Variants in ASTN2 observed in about 807,000 individuals in gnomAD.
ASTN2 encodes the protein astrotactin-2.
Under a neutral mutation model 139.8 loss-of-function variants are expected in ASTN2, and 54 were observed. The observed-to-expected ratio is 0.39, with a 90% confidence interval of 0.31 to 0.48. The LOEUF is 0.48. Ranked by LOEUF, ASTN2 falls within the 20% of genes least tolerant of loss-of-function variation. The pLI, the probability that ASTN2 is intolerant of heterozygous loss-of-function variation, is 0.95. For synonymous variants in ASTN2, 756 were observed against 719.5 expected (o/e 1.05, Z -0.81); for missense variants, 1,565 against 1,725.1 (o/e 0.91, Z 1.64).
intron 16 of ASTN2, among the ~76,000 whole-genome samples, chr9:116,705,087 A>G (rs1178040473): frequency 6.6e-6 from 1 of 152,196 alleles, no homozygotes; most frequent in Admixed American, 6.5e-5. Context: ...ATCCCTGTTA[A>G]GTGGTTAAAG....
intron 2 of ASTN2, among the ~76,000 whole-genome samples, chr9:117,288,922 G>C (rs1374354006): frequency 6.6e-6 from 1 of 152,190 alleles, no homozygotes; most frequent in Non-Finnish European, 1.5e-5. Context: ...TAAGTGCCAA[G>C]CTCCTCTGAT....
chr9:116,538,397 A>G (rs1851736612), intron 19 of ASTN2, among the ~76,000 whole-genome samples: 1 of 152,152 alleles, frequency 6.6e-6, no homozygotes, highest in African/African-American at 2.4e-5. Flanking sequence ...TTGGGGTTCT[A>G]CACTAGCACT....
At chr9:117,128,153 A>T (rs1829742515) in intron 4 of ASTN2, among the ~76,000 whole-genome samples, 1 of 152,024 alleles carries the variant, frequency 6.6e-6, no homozygotes, top group Admixed American at 6.6e-5. Flanking sequence ...GGCAACAGTT[A>T]GTCCATCAGA....
chr9:117,048,942 G>A (rs537276883), intron 5 of ASTN2, among the ~76,000 whole-genome samples: 8 of 125,876 alleles, frequency 6.4e-5, no homozygotes, highest in South Asian at 2.6e-4. Context: ...GAATCTGTGC[G>A]CTCTGATTCT....
chr9:117,132,923 G>C (rs760765697), intron 4 of ASTN2, among the ~76,000 whole-genome samples: 2 of 152,106 alleles, frequency 1.3e-5, no homozygotes. Context: ...ATATTCTCAC[G>C]ACAGTCCTGG....
chr9:117,121,102 T>C (rs1305702165), intron 4 of ASTN2, among the ~76,000 whole-genome samples: 1 of 152,234 alleles, frequency 6.6e-6, no homozygotes, highest in Non-Finnish European at 1.5e-5. Context: ...CACATCCACA[T>C]GGGGTAGGCA....
rs546299153 is a variant in ASTN2, at chr9:117,047,752, C to T, written c.1277-7787G>A. Among the ~76,000 whole-genome samples, 11 of 152,116 alleles carry T rather than the reference C, an allele frequency of 7.2e-5. No homozygotes were observed. The East Asian group carries it at 2.1e-3, about 29-fold the overall frequency. ...AAACACTAATAACTTTATTTTGTTT[C>T]TCTAAAGTCATATTTTGAGTCCTTT... On this transcript the variant is annotated intron_variant, in intron 5 of 22. Coordinates refer to ENST00000313400, the MANE Select transcript of ASTN2 (RefSeq NM_001365068.1).
At chr9:116,626,383 TTTAAA>T (rs1176292819) in intron 17 of ASTN2, among the ~76,000 whole-genome samples, 1 of 151,770 alleles carries the variant, frequency 6.6e-6, no homozygotes, top group Non-Finnish European at 1.5e-5. Context: ...AAAAATATGT[TTTAAA>T]TATGTTATAA....
chr9:117,056,496 G>A (rs150955502), intron 5 of ASTN2, among the ~76,000 whole-genome samples: 2 of 152,292 alleles, frequency 1.3e-5, no homozygotes, highest in East Asian at 1.9e-4. Flanking sequence ...AGAGACAAGT[G>A]AGAAGGTCAG....
intron 12 of ASTN2, among the ~76,000 whole-genome samples, chr9:116,813,390 A>G (rs1207296707): frequency 1.3e-5 from 2 of 152,208 alleles, no homozygotes; most frequent in South Asian, 4.1e-4. Context: ...TCATTCCAAC[A>G]TTGTCACAGA....
At chr9:116,563,289 G>C (rs1853014000) in intron 19 of ASTN2, among the ~76,000 whole-genome samples, 1 of 151,548 alleles carries the variant, frequency 6.6e-6, no homozygotes, top group Non-Finnish European at 1.5e-5. Context: ...GCAGGAGAAT[G>C]GTGTGAACCC....
In ASTN2 at chr9:117,345,030, G is replaced by A. The variant is rs1390515392; in HGVS notation, c.443-53517C>T. ...GTTGGGGCTAAATGAAAGGACCCAG[G>A]AATCTAAGGAAGCCAGGGTTAGAGG... On this transcript the variant is annotated intron_variant, in intron 1 of 22. Transcript: ENST00000313400. 2.0e-5 allele frequency among the ~76,000 whole-genome samples: 3 copies of A among 152,258 alleles called. No individual in the cohort carries two copies. In the East Asian group the frequency reaches 5.8e-4, roughly 29 times the overall value.
intron 1 of ASTN2, among the ~76,000 whole-genome samples, chr9:117,334,679 C>A (rs1041746724): frequency 3.3e-5 from 5 of 152,236 alleles, no homozygotes; most frequent in African/African-American, 9.6e-5. Flanking sequence ...TTCCTAAGAG[C>A]CTCCTGTGGC....
intron 16 of ASTN2, among the ~76,000 whole-genome samples, chr9:116,662,308 C>G (rs1858608094): frequency 6.6e-6 from 1 of 152,118 alleles, no homozygotes; most frequent in Admixed American, 6.5e-5. Flanking sequence ...TGCAGTGGCT[C>G]ATGCCTGTAA....
At chr9:117,404,195 C>T (rs1205288078) in intron 1 of ASTN2, among the ~76,000 whole-genome samples, 4 of 152,236 alleles carry the variant, frequency 2.6e-5, no homozygotes, top group Admixed American at 1.3e-4. Flanking sequence ...GGAGGGCTCT[C>T]CAAAATTAAG....
intron 6 of ASTN2, among the ~76,000 whole-genome samples, chr9:117,010,875 C>T (rs1837509580): frequency 2.0e-5 from 3 of 152,172 alleles, no homozygotes; most frequent in African/African-American, 4.8e-5. Context: ...GACTTTCTAT[C>T]CTCACATTGG....
intron 1 of ASTN2, among the ~76,000 whole-genome samples, chr9:117,293,097 A>G (rs951443282): frequency 6.7e-6 from 1 of 149,348 alleles, no homozygotes; most frequent in Non-Finnish European, 1.5e-5. Context: ...TCTGAAAAAA[A>G]AGAAAAAAAA....
intron 12 of ASTN2, among the ~76,000 whole-genome samples, chr9:116,808,310 T>C (rs993624824): frequency 1.4e-5 from 2 of 142,970 alleles, no homozygotes; most frequent in African/African-American, 5.0e-5. Context: ...TGTGTGTGTT[T>C]GTGTTTGTGT....
chr9:117,128,623 GT>G (rs1427812338), intron 4 of ASTN2, among the ~76,000 whole-genome samples: 1 of 152,140 alleles, frequency 6.6e-6, no homozygotes, highest in African/African-American at 2.4e-5. Flanking sequence ...TGCCATCTTT[GT>G]TTCAAAGTTA....
Sources: gnomAD v4.1 joint callset for allele counts (sites outside exome capture counted in the v4.1 genomes callset) on GRCh38, gnomAD v4.1.1 for gene constraint, MANE v1.5 for transcripts, NCBI Gene and HGNC (gene_info 2026-07-23, HGNC 2026-07-21) for gene names.